Variants in CCDC12 observed in about 807,000 individuals in gnomAD.
The protein encoded by CCDC12 is coiled-coil domain containing 12.
Under a neutral mutation model 25.7 loss-of-function variants are expected in CCDC12, and 28 were observed. That is an observed-to-expected ratio of 1.09 (90% confidence interval 0.81 to 1.50). The LOEUF (loss-of-function observed/expected upper bound fraction) is 1.50, where lower values mean the gene tolerates loss of function less well. Among genes scored for constraint, CCDC12 ranks in the 40% most tolerant of loss-of-function variants. CCDC12 has a pLI of 0.00. For synonymous variants in CCDC12, 75 were observed against 87.7 expected (o/e 0.86, Z 0.81); for missense variants, 198 against 210.0 (o/e 0.94, Z 0.35).
At chr3:46,937,599 A>G (rs749817721) in intron 2 of CCDC12, among the ~76,000 whole-genome samples, 1 of 152,220 alleles carries the variant, frequency 6.6e-6, no homozygotes, top group Non-Finnish European at 1.5e-5. Context: ...AGGCTGTAGC[A>G]GGGGCTATGG....
chr3:46,922,450 G>C, intron 5 of CCDC12, 138 bp from the exon 6 acceptor site: 1 of 857,594 alleles, frequency 1.2e-6, no homozygotes, highest in South Asian at 1.5e-5. Context: ...GAAGAGGCCA[G>C]GACATTCCCC....
At chr3:46,925,082 C>A in intron 3 of CCDC12, 3 of 384,504 alleles carry the variant, frequency 7.8e-6, no homozygotes, top group Non-Finnish European at 1.0e-5. Flanking sequence ...CTGTCTCTGA[C>A]CCACCCAGGG....
At chr3:46,953,060 T>C (rs1285913792) in intron 1 of CCDC12, among the ~76,000 whole-genome samples, 1 of 152,178 alleles carries the variant, frequency 6.6e-6, no homozygotes, top group East Asian at 1.9e-4. Flanking sequence ...CTTTCTGGTG[T>C]CATTTCAGAG....
chr3:46,968,051 C>T (rs200021560), intron 1 of CCDC12, among the ~76,000 whole-genome samples: 3 of 152,250 alleles, frequency 2.0e-5, no homozygotes, highest in East Asian at 1.9e-4. Flanking sequence ...TCATTTCATA[C>T]GTGAACATAT....
intron 1 of CCDC12, among the ~76,000 whole-genome samples, chr3:46,953,603 G>C (rs1191302889): frequency 6.6e-6 from 1 of 150,980 alleles, no homozygotes; most frequent in Non-Finnish European, 1.5e-5. Context: ...TGGCACTCAG[G>C]CCTGACACAG....
chr3:46,935,574 C>T (rs1186983974), intron 2 of CCDC12, among the ~76,000 whole-genome samples: 1 of 151,724 alleles, frequency 6.6e-6, no homozygotes, highest in Non-Finnish European at 1.5e-5. Context: ...CTTCCATGGG[C>T]CAGCTTTCCA....
chr3:46,951,731 G>C (rs1345164811), intron 1 of CCDC12, among the ~76,000 whole-genome samples: 3 of 131,622 alleles, frequency 2.3e-5, no homozygotes, highest in African/African-American at 8.8e-5. Context: ...AGTGAGCCAA[G>C]ATTGTGCCAC....
chr3:46,956,534 A>G (rs1414456675), intron 1 of CCDC12, among the ~76,000 whole-genome samples: 1 of 152,216 alleles, frequency 6.6e-6, no homozygotes, highest in Non-Finnish European at 1.5e-5. Context: ...GAAATCATTC[A>G]TAAGGGGCTA....
chr3:46,952,427 T>G (rs2034157357), intron 1 of CCDC12, among the ~76,000 whole-genome samples: 1 of 152,230 alleles, frequency 6.6e-6, no homozygotes, highest in African/African-American at 2.4e-5. Flanking sequence ...AGCTCCCCGC[T>G]GCCACATCCT....
At chr3:46,960,218 C>A (rs906871011) in intron 1 of CCDC12, among the ~76,000 whole-genome samples, 13 of 152,150 alleles carry the variant, frequency 8.5e-5, no homozygotes, top group Non-Finnish European at 1.5e-5. Context: ...CCATTTCCCA[C>A]CCAGGCTCTG....
intron 2 of CCDC12, among the ~76,000 whole-genome samples, chr3:46,928,348 T>A (rs1159928446): frequency 6.6e-6 from 1 of 152,190 alleles, no homozygotes; most frequent in Non-Finnish European, 1.5e-5. Flanking sequence ...TACAACAAAG[T>A]GAGCCTGACA....
intron 1 of CCDC12, among the ~76,000 whole-genome samples, chr3:46,969,799 G>A (rs773566024): frequency 2.0e-5 from 3 of 152,186 alleles, no homozygotes; most frequent in African/African-American, 4.8e-5. Context: ...GCTGAAGGGA[G>A]CAAGTCCTCC....
At chr3:46,966,675 C>A (rs2034651947) in intron 1 of CCDC12, among the ~76,000 whole-genome samples, 1 of 152,132 alleles carries the variant, frequency 6.6e-6, no homozygotes, top group African/African-American at 2.4e-5. Flanking sequence ...CAGACTGGCG[C>A]TACCCTCCTG....
In CCDC12 at chr3:46,957,980, C is replaced by CAT. The variant is rs2034348964; in HGVS notation, c.97-16916_97-16915insAT. On this transcript the variant is annotated intron_variant, in intron 1 of 6. Coordinates refer to ENST00000683445, the MANE Select transcript of CCDC12 (RefSeq NM_001277074.2). ...ATAAATACACACACACACACACACACACACACACACACACACATATATATG... is the reference window on the plus strand; with the variant it reads ...ATAAATACACACACACACACACACACATACACACACACACACACATATATATG... Among the ~76,000 whole-genome samples, 13 of 141,040 alleles carry CAT rather than the reference C, an allele frequency of 9.2e-5. No homozygotes were observed. The South Asian group carries it at 2.8e-3, about 31-fold the overall frequency. 92.5% of individuals were successfully genotyped at this position (141,040 alleles called of 152,430 possible). A position where few individuals can be genotyped will look rare whatever the true frequency, so the allele number is the denominator to read the frequency against.
At chr3:46,957,159 A>G (rs1274332225) in intron 1 of CCDC12, among the ~76,000 whole-genome samples, 1 of 152,144 alleles carries the variant, frequency 6.6e-6, no homozygotes, top group African/African-American at 2.4e-5. Flanking sequence ...CAATATACCC[A>G]TAAGAGACTC....
intron 1 of CCDC12, 142 bp downstream of exon 1, chr3:46,976,495 G>T: frequency 1.4e-6 from 2 of 1,435,922 alleles, no homozygotes; most frequent in Non-Finnish European, 1.8e-6. Flanking sequence ...GGAGGGCGCC[G>T]TCTTCTCGCG....
chr3:46,960,136 G>A (rs544119581), intron 1 of CCDC12, among the ~76,000 whole-genome samples: 3 of 152,262 alleles, frequency 2.0e-5, no homozygotes, highest in Non-Finnish European at 4.4e-5. Flanking sequence ...TTATACCTGG[G>A]GGTACACAGA....
chr3:46,938,998 T>C (rs2033581646), intron 2 of CCDC12, among the ~76,000 whole-genome samples: 1 of 152,188 alleles, frequency 6.6e-6, no homozygotes, highest in Non-Finnish European at 1.5e-5. Flanking sequence ...CCTGACACTG[T>C]ATCACACGCC....
chr3:46,933,387 C>G (rs2033310003), intron 2 of CCDC12, among the ~76,000 whole-genome samples: 2 of 152,184 alleles, frequency 1.3e-5, no homozygotes, highest in African/African-American at 2.4e-5. Context: ...GTATGGGAGC[C>G]CCCACCAAGA....
Sources: allele counts gnomAD v4.1 joint callset (sites outside exome capture counted in the v4.1 genomes callset), GRCh38; gene constraint gnomAD v4.1.1; transcripts MANE v1.5; gene names NCBI Gene and HGNC (gene_info 2026-07-23, HGNC 2026-07-21).